The following AUTS2 variants were observed in gnomAD, a reference collection of about 807,000 sequenced individuals.
The protein encoded by AUTS2 is autism susceptibility gene 2 protein.
AUTS2 carries 17 observed loss-of-function variants against 112.4 expected under a neutral mutation model. That is an observed-to-expected ratio of 0.15 (90% CI 0.10 to 0.23). The LOEUF (loss-of-function observed/expected upper bound fraction) is 0.23, where lower values mean the gene tolerates loss of function less well. Among genes scored for constraint, AUTS2 ranks in the 10% least tolerant of loss-of-function variants. The pLI, the probability that AUTS2 is intolerant of heterozygous loss-of-function variation, is 1.00. For missense variants in AUTS2, 1,510 were observed against 1,701.6 expected, an observed-to-expected ratio of 0.89 and a Z score of 1.98; for synonymous variants, 751 against 702.7, an observed-to-expected ratio of 1.07 and a Z score of -1.09.
At chr7:70,699,848 T>C (rs1361781146) in intron 6 of AUTS2, among the ~76,000 whole-genome samples, 1 of 152,202 alleles carries the variant, frequency 6.6e-6, no homozygotes, top group East Asian at 1.9e-4. Flanking sequence ...CACAATTGTC[T>C]ACCACTTGGC....
intron 4 of AUTS2, among the ~76,000 whole-genome samples, chr7:70,358,875 G>T (rs749235702): frequency 6.6e-6 from 1 of 152,214 alleles, no homozygotes; most frequent in Admixed American, 6.5e-5. Context: ...AATGGATCCA[G>T]CTCTCCTTCA....
Position 69,599,694 on chromosome 7 carries a change from G to GGCGGTC in AUTS2, c.50_55dup (p.Arg17_Ser18dup). ...CGGGGCCATGGACTCCGCAAAAAGC[G>GGCGGTC]GCGGTCGCGGTCGCAGCGAGACCGG... On this transcript the variant is annotated inframe_insertion, in exon 1 of 19. Coordinates refer to ENST00000342771, the MANE Select transcript of AUTS2 (RefSeq NM_015570.4). This position sits in a 1 kb window ranked among gnomAD's most constrained non-coding sequence, Gnocchi z 7.0. The GGCGGTC allele has an allele frequency of 2.3e-6, 3 of 1,326,206 alleles. No individual in the cohort carries two copies. Among genetic ancestry groups the GGCGGTC allele is most frequent in the Non-Finnish European group, 2.9e-6 (3 of 1,042,580 alleles). The allele number at this position is 1,326,206 out of a possible 1,614,324, so 82.2% of individuals were successfully genotyped here. A position where few individuals can be genotyped will look rare whatever the true frequency, so the allele number is the denominator to read the frequency against.
At chr7:69,961,338 C>T (rs755211361) in intron 2 of AUTS2, among the ~76,000 whole-genome samples, 2 of 152,080 alleles carry the variant, frequency 1.3e-5, no homozygotes, top group African/African-American at 2.4e-5. Context: ...GGGGAAAGTG[C>T]TTCCCTGTCT....
At chr7:69,735,035 A>C (rs1471099338) in intron 1 of AUTS2, among the ~76,000 whole-genome samples, 2 of 151,952 alleles carry the variant, frequency 1.3e-5, no homozygotes, top group Non-Finnish European at 2.9e-5. Context: ...TATTCAGACA[A>C]CTCTATTGCA....
chr7:70,472,669 A>G (rs540900465), intron 5 of AUTS2, among the ~76,000 whole-genome samples: 21 of 152,310 alleles, frequency 1.4e-4, no homozygotes, highest in Admixed American at 2.0e-4. Context: ...CATAATCAAT[A>G]TTTCAACACA....
At position 70,403,212 on chromosome 7, in the gene AUTS2, CA is replaced by C. The variant is rs937278840; in HGVS notation, c.661-32536del. On this transcript the variant is annotated intron_variant, in intron 4 of 18. Coordinates refer to ENST00000342771, the MANE Select transcript of AUTS2 (RefSeq NM_015570.4). ...TTGCCTTGGGCAGGGTATGTAATCA[CA>C]AAATGAATAAAAGACAACAGGATGT... is the stretch of plus-strand genomic sequence containing the variant. 3.5e-4 allele frequency among the ~76,000 whole-genome samples: 53 copies of C among 152,294 alleles called. 1 individual carries two copies. Among genetic ancestry groups the C allele is most frequent in the African/African-American group, 1.3e-3 (52 of 41,554 alleles).
intron 5 of AUTS2, among the ~76,000 whole-genome samples, chr7:70,450,766 G>A (rs906042941): frequency 2.6e-5 from 4 of 152,000 alleles, no homozygotes; most frequent in African/African-American, 9.7e-5. Context: ...GGATTTGAGA[G>A]GTGATAGAGA....
chr7:70,758,937 T>C (rs998858723), intron 6 of AUTS2, among the ~76,000 whole-genome samples: 26 of 152,072 alleles, frequency 1.7e-4, no homozygotes, highest in Non-Finnish European at 3.4e-4. Context: ...CTCTTGTAAA[T>C]GGGGAGTCAT....
chr7:70,526,539 G>T (rs1384007437), intron 5 of AUTS2, among the ~76,000 whole-genome samples: 1 of 152,166 alleles, frequency 6.6e-6, no homozygotes, highest in Non-Finnish European at 1.5e-5. Context: ...AGGCGTGGTG[G>T]CACATGCCTG....
intron 4 of AUTS2, among the ~76,000 whole-genome samples, chr7:70,282,359 A>G (rs961113640): frequency 2.0e-5 from 3 of 152,164 alleles, no homozygotes; most frequent in Non-Finnish European, 2.9e-5. Context: ...AATACCAAAA[A>G]CTAGGTAGCT....
intron 4 of AUTS2, among the ~76,000 whole-genome samples, chr7:70,304,379 G>A (rs948459491): frequency 5.3e-5 from 8 of 152,166 alleles, no homozygotes; most frequent in Non-Finnish European, 8.8e-5. Flanking sequence ...TTACTTAGTC[G>A]ATATATCTCT....
intron 1 of AUTS2, among the ~76,000 whole-genome samples, chr7:69,755,613 G>A (rs549406781): frequency 6.6e-6 from 1 of 152,152 alleles, no homozygotes; most frequent in African/African-American, 2.4e-5. Flanking sequence ...ATTATGATGA[G>A]AGCCATGGGA....
At chr7:70,268,530 A>G (rs559229544) in intron 4 of AUTS2, among the ~76,000 whole-genome samples, 75 of 152,192 alleles carry the variant, frequency 4.9e-4, no homozygotes, top group Non-Finnish European at 1.0e-3. Context: ...CTAGAGAAGT[A>G]GGATGGGGTT....
chr7:69,799,368 C>T (rs1789982540), intron 1 of AUTS2, among the ~76,000 whole-genome samples: 1 of 152,116 alleles, frequency 6.6e-6, no homozygotes, highest in Admixed American at 6.6e-5. Context: ...GCTCAGAGTC[C>T]TCCCACCTCT....
At chr7:70,105,039 T>A (rs1343307527) in intron 2 of AUTS2, among the ~76,000 whole-genome samples, 4 of 152,214 alleles carry the variant, frequency 2.6e-5, no homozygotes, top group African/African-American at 9.6e-5. Flanking sequence ...AAGGATGTAC[T>A]TTTACTACTA....
At position 69,742,605 on chromosome 7, in the gene AUTS2, A is replaced by G. The variant is rs73170867; in HGVS notation, c.309+142643A>G. Among the ~76,000 whole-genome samples, 862 of 152,292 alleles carry G rather than the reference A, an allele frequency of 5.7e-3. 11 individuals are homozygous for G. Among genetic ancestry groups the G allele is most frequent in the Non-Finnish European group, 6.2e-3 (425 of 68,018 alleles). ...GATTGGGGTGGGAGTACATTTAAGC[A>G]TCAAAACTAACTTTGAAGATAGATT... On this transcript the variant is annotated intron_variant, in intron 1 of 18. Transcript: ENST00000342771.
At chr7:70,397,658 TACACACACAC>T (rs145934747) in intron 4 of AUTS2, among the ~76,000 whole-genome samples, 3 of 149,456 alleles carry the variant, frequency 2.0e-5, no homozygotes, top group African/African-American at 7.3e-5. Context: ...TACATGTATG[TACACACACAC>T]ACACACACAC....
intron 3 of AUTS2, among the ~76,000 whole-genome samples, chr7:70,124,807 C>T (rs953263786): frequency 7.2e-5 from 11 of 152,256 alleles, no homozygotes; most frequent in South Asian, 4.2e-4. Flanking sequence ...GTGATCCGCC[C>T]GCCTTGGCCT....
At chr7:70,117,134 TTTG>T (rs1562710478) in intron 2 of AUTS2, among the ~76,000 whole-genome samples, 1,493 of 98,398 alleles carry the variant, frequency 0.015, 81 homozygotes, top group Non-Finnish European at 0.02. Flanking sequence ...TTTGTTTTTT[TTTG>T]TTTTTTTTTT....
Sources: allele counts gnomAD v4.1 joint callset (sites outside exome capture counted in the v4.1 genomes callset), GRCh38; gene constraint gnomAD v4.1.1; non-coding constraint Gnocchi (gnomAD v3.1); transcripts MANE v1.5; gene names NCBI Gene and HGNC (gene_info 2026-07-23, HGNC 2026-07-21).